Variants in LYSMD1 observed in about 807,000 individuals in gnomAD.
LYSMD1 encodes the protein lysM and putative peptidoglycan-binding domain-containing protein 1.
In LYSMD1, 9 loss-of-function variants were observed where a neutral mutation model predicts 19.3. That is an observed-to-expected ratio of 0.47 (90% CI 0.28 to 0.81). The LOEUF (loss-of-function observed/expected upper bound fraction) is 0.81, where lower values mean the gene tolerates loss of function less well. Ranked by LOEUF, LYSMD1 falls within the 40% of genes least tolerant of loss-of-function variation. The probability of loss-of-function intolerance (pLI) is 0.11; values close to 1 mark genes in which losing one functional copy is unlikely to be tolerated. For missense variants in LYSMD1, 262 were observed against 279.8 expected (o/e 0.94, Z 0.45); for synonymous variants, 111 against 111.7 (o/e 0.99, Z 0.04).
chr1:151,152,476 C>T, the LYSMD1 span, among the ~76,000 whole-genome samples: 1 of 151,436 alleles, frequency 6.6e-6, no homozygotes, highest in Non-Finnish European at 1.5e-5. Context: ...CCGAGCTGGG[C>T]GAATCATGAG....
intron 1 of LYSMD1, among the ~76,000 whole-genome samples, chr1:151,162,592 T>C (rs1369179313): frequency 6.6e-6 from 1 of 152,194 alleles, no homozygotes; most frequent in Non-Finnish European, 1.5e-5. Flanking sequence ...TGAGAATGCT[T>C]TTCACACTAT....
intron 1 of LYSMD1, among the ~76,000 whole-genome samples, 167 bp from the exon 2 acceptor site, chr1:151,162,267 T>C (rs1242546971): frequency 6.6e-6 from 1 of 152,140 alleles, no homozygotes; most frequent in Non-Finnish European, 1.5e-5. Flanking sequence ...TTTCACACTT[T>C]TTGGTCTTAG....
chr1:151,155,200 C>T (rs952119038), downstream of LYSMD1, among the ~76,000 whole-genome samples: 3 of 152,132 alleles, frequency 2.0e-5, no homozygotes, highest in Non-Finnish European at 2.9e-5. Context: ...GTGCTTATGC[C>T]GTCCCCATCA....
downstream of LYSMD1, chr1:151,159,635 G>A (rs1489684985): frequency 2.6e-5 from 6 of 230,036 alleles, no homozygotes; most frequent in Non-Finnish European, 5.7e-5. Context: ...AAGAGGGGAA[G>A]GTGGCCCTTA....
At position 151,162,751 on chromosome 1, in the gene LYSMD1, C is replaced by G. The variant is rs1446735854; in HGVS notation, c.181-651G>C. On this transcript the variant is annotated intron_variant, in intron 1 of 2. Transcript: ENST00000368908. ...CTAATACTTGCCTTTCATCACCATACCAAGTGGTCAACAAAACTGCTTCAA... is the reference window on the plus strand; with the variant it reads ...CTAATACTTGCCTTTCATCACCATAGCAAGTGGTCAACAAAACTGCTTCAA... Among the ~76,000 whole-genome samples the G allele has an allele frequency of 5.9e-5, 9 of 152,262 alleles. No individual in the cohort carries two copies. In the East Asian group the frequency reaches 1.7e-3, roughly 29 times the overall value.
At chr1:151,161,090 G>GA in intron 2 of LYSMD1, 70 bp from the exon 3 acceptor site, 9 of 1,543,410 alleles carry the variant, frequency 5.8e-6, no homozygotes, top group Non-Finnish European at 7.1e-6. Flanking sequence ...CAAGTGAGAG[G>GA]TACATGGAAA....
downstream of LYSMD1, chr1:151,158,968 C>T (rs751661522): frequency 2.4e-5 from 39 of 1,614,154 alleles, no homozygotes; most frequent in South Asian, 3.3e-5. Flanking sequence ...TACCCGCTTT[C>T]GCCAGAAGCT....
chr1:151,158,911 G>C (rs751780036), downstream of LYSMD1: 1 of 1,614,132 alleles, frequency 6.2e-7, no homozygotes, highest in Non-Finnish European at 8.5e-7. Context: ...CAAGGTGGCT[G>C]TGCTGCACCG....
In LYSMD1 at chr1:151,160,821, C is replaced by A; in HGVS notation, c.*61G>T. The A allele has an allele frequency of 6.4e-7, 1 of 1,570,474 alleles. No homozygotes were observed. The highest frequency in any genetic ancestry group is 1.1e-5 in the South Asian group (1 of 88,428). On this transcript the variant is annotated 3_prime_UTR_variant, in exon 3 of 3. Coordinates refer to ENST00000368908, the MANE Select transcript of LYSMD1 (RefSeq NM_212551.5). ...CCATGTTCTTGAGCCTCACCTCAGG[C>A]TCCTCTCCCCCTGAAGTTTCTCTTT...
At position 151,165,486 on chromosome 1, in the gene LYSMD1, T is replaced by C. The variant is rs587724888; in HGVS notation, c.-228A>G. 2.1e-6 allele frequency: 3 copies of C among 1,431,038 alleles called. No individual in the cohort carries two copies. The highest frequency in any genetic ancestry group is 3.0e-5 in the South Asian group (2 of 66,674). 88.6% of individuals were successfully genotyped at this position (1,431,038 alleles called of 1,614,324 possible). A position where few individuals can be genotyped will look rare whatever the true frequency, so the allele number is the denominator to read the frequency against. ...CCTTGAGTATTCAGTCCCTCCCTAATTCTCCCCTAAGCACCCCTCCGACTT... is the reference window on the plus strand; with the variant it reads ...CCTTGAGTATTCAGTCCCTCCCTAACTCTCCCCTAAGCACCCCTCCGACTT... On this transcript the variant is annotated 5_prime_UTR_variant, in exon 1 of 3. Transcript: ENST00000368908.
At chr1:151,153,157 G>T in the LYSMD1 span, among the ~76,000 whole-genome samples, 57 of 152,288 alleles carry the variant, frequency 3.7e-4, 1 homozygote, top group African/African-American at 1.4e-3. Context: ...GATCCTGTAG[G>T]TGAAACATTT....
chr1:151,159,177 T>A (rs762705314), downstream of LYSMD1: 22 of 1,614,186 alleles, frequency 1.4e-5, no homozygotes, highest in Non-Finnish European at 1.9e-5. Flanking sequence ...CGGCCCTCTA[T>A]GGGCCTGACT....
chr1:151,164,321 T>C (rs1683575742), intron 1 of LYSMD1, among the ~76,000 whole-genome samples: 1 of 152,224 alleles, frequency 6.6e-6, no homozygotes, highest in Admixed American at 6.5e-5. Flanking sequence ...TTTAAGTTTC[T>C]ATCTCCCAGA....
downstream of LYSMD1, chr1:151,159,010 G>C: frequency 1.2e-6 from 2 of 1,614,254 alleles, no homozygotes; most frequent in South Asian, 2.2e-5. Context: ...ACTTAGCTTT[G>C]GTGAGGTAGA....
At position 151,161,817 on chromosome 1, in the gene LYSMD1, G is replaced by T. The variant is rs192433758; in HGVS notation, c.464C>A (p.Ser155Tyr). The T allele has an allele frequency of 2.5e-6, 4 of 1,613,108 alleles. No homozygotes were observed. In the South Asian group the frequency reaches 4.4e-5, roughly 18 times the overall value. The change falls in exon 2 of 3, where the codon TCT becomes TAT. Residue 155 changes from serine to tyrosine, a missense_variant. Physicochemically the swap from Ser to Tyr is moderately radical, Grantham distance 144. Transcript: ENST00000368908. ...TGAATCAAGCTTCTTAAGGAAATCA[G>T]AGGCAGAGAGGTCATGGATGGGCGT... is the stretch of plus-strand genomic sequence containing the variant. ...TPTPIHDLSA[S>Y]DFLKKLDSQI... is the part of the protein sequence containing the mutation.
chr1:151,161,048 T>C, intron 2 of LYSMD1, 28 bp from the exon 3 acceptor site: 1 of 1,610,464 alleles, frequency 6.2e-7, no homozygotes, highest in Non-Finnish European at 8.5e-7. Context: ...GGGGAAAGAG[T>C]GACAGATCAA....
intron 2 of LYSMD1, 98 bp from the exon 3 acceptor site, chr1:151,161,118 A>G (rs1203822839): frequency 7.3e-7 from 1 of 1,363,088 alleles, no homozygotes; most frequent in East Asian, 2.3e-5. Context: ...TCTAATACAT[A>G]AGCTGGTTGC....
Position 151,160,955 on chromosome 1 carries a change from C to T in LYSMD1, c.611G>A (p.Gly204Asp). 1 of 1,614,158 alleles carries T rather than the reference C, an allele frequency of 6.2e-7. No individual in the cohort carries two copies. Among genetic ancestry groups the T allele is most frequent in the South Asian group, 1.1e-5 (1 of 91,078 alleles). Residue 204 changes from glycine (G) to aspartate (D), a missense_variant, in exon 3 of 3, where the codon GGT (glycine) becomes GAT (aspartate). Gly to Asp is a moderately conservative substitution (Grantham distance 94). Coordinates refer to ENST00000368908, the MANE Select transcript of LYSMD1 (RefSeq NM_212551.5). ...SPWMQQRAVL[G>D]PVPLTRTSRT... ...AGAGGTACGGGTCAGCGGCACAGGA[C>T]CTAGGACTGCTCGTTGCTGCATCCA...
intron 2 of LYSMD1, among the ~76,000 whole-genome samples, 162 bp downstream of exon 2, chr1:151,161,574 C>T (rs1238726530): frequency 6.6e-6 from 1 of 152,106 alleles, no homozygotes; most frequent in African/African-American, 2.4e-5. Context: ...CTACCCAGGC[C>T]AGCAGCCATC....
Sources: allele counts gnomAD v4.1 joint callset (sites outside exome capture counted in the v4.1 genomes callset), GRCh38; gene constraint gnomAD v4.1.1; transcripts MANE v1.5; gene names NCBI Gene and HGNC (gene_info 2026-07-23, HGNC 2026-07-21).